The following PAPPA variants were observed in gnomAD, a reference collection of about 807,000 sequenced individuals.
The protein encoded by PAPPA is pappalysin 1, also known as pappalysin-1.
Under a neutral mutation model 164.0 loss-of-function variants are expected in PAPPA, and 60 were observed. The ratio of observed to expected loss-of-function variants is 0.37; its 90% CI spans 0.30 to 0.45. The LOEUF is 0.45. Among genes scored for constraint, PAPPA ranks in the 20% least tolerant of loss-of-function variants. The pLI is 1.00. For missense variants in PAPPA, 1,782 were observed against 2,087.3 expected, an observed-to-expected ratio of 0.85 and a Z score of 2.85; for synonymous variants, 875 against 814.1, an observed-to-expected ratio of 1.07 and a Z score of -1.27.
chr9:116,353,595 G>A lies in PAPPA; in HGVS notation c.4176-27G>A, dbSNP rs757732029. On this transcript the variant is annotated intron_variant, in intron 16 of 21. Coordinates refer to ENST00000328252, the MANE Select transcript of PAPPA (RefSeq NM_002581.5). The stretch of plus-strand genomic sequence containing the variant: ...GATCTAGCCATTTGGTCCTTGAGAT[G>A]TCTCCTGTTTGATCCTTTCCTTGAA... The A allele has an allele frequency of 4.0e-5, 64 of 1,606,152 alleles. No homozygotes were observed. In the South Asian group the frequency reaches 6.7e-4, roughly 17 times the overall value.
At chr9:116,158,720 C>A (rs1356281825) in intron 1 of PAPPA, among the ~76,000 whole-genome samples, 1 of 152,226 alleles carries the variant, frequency 6.6e-6, no homozygotes, top group African/African-American at 2.4e-5. Context: ...AGAAATCCAA[C>A]TCTACCTGGG....
chr9:116,246,597 C>T (rs1222071141), intron 7 of PAPPA, among the ~76,000 whole-genome samples: 1 of 152,106 alleles, frequency 6.6e-6, no homozygotes, highest in Non-Finnish European at 1.5e-5. Flanking sequence ...CATGAATAAA[C>T]TTGAGTGGAA....
chr9:116,228,541 G>T (rs1587961840), intron 6 of PAPPA, among the ~76,000 whole-genome samples: 1 of 152,346 alleles, frequency 6.6e-6, no homozygotes, highest in African/African-American at 2.4e-5. Context: ...GGAAGGATCA[G>T]AGAGGAAAGT....
intron 7 of PAPPA, among the ~76,000 whole-genome samples, chr9:116,248,421 T>C (rs1844822533): frequency 6.6e-6 from 1 of 152,170 alleles, no homozygotes; most frequent in Non-Finnish European, 1.5e-5. Context: ...CAGATTATCC[T>C]TTAGCTCTCA....
intron 19 of PAPPA, among the ~76,000 whole-genome samples, chr9:116,370,160 C>A (rs1427790076): frequency 6.6e-6 from 1 of 152,132 alleles, no homozygotes; most frequent in Admixed American, 6.5e-5. Context: ...CCACTTTTAT[C>A]CCCGGGGTAA....
rs191763488 is a variant in PAPPA, at chr9:116,199,277, G to A, written c.1479-8179G>A. On this transcript the variant is annotated intron_variant, in intron 2 of 21. Transcript: ENST00000328252. ...CAAGAGACTCAGCAAAGGACATGCC[G>A]TTGGCAGATAAATCTCTGCATTTAG... Among the ~76,000 whole-genome samples the A allele has an allele frequency of 8.7e-4, 132 of 152,302 alleles. 2 individuals carry two copies. Among genetic ancestry groups the A allele is most frequent in the Admixed American group, 7.8e-4 (12 of 15,304 alleles).
chr9:116,321,183 G>A (rs559235031), intron 10 of PAPPA, among the ~76,000 whole-genome samples: 16 of 151,850 alleles, frequency 1.1e-4, no homozygotes, highest in Admixed American at 5.9e-4. Context: ...GCCCACCACC[G>A]CACCCAGCTA....
chr9:116,211,485 T>C (rs1024404384), intron 3 of PAPPA, among the ~76,000 whole-genome samples, 154 bp from the exon 4 acceptor site: 1 of 152,232 alleles, frequency 6.6e-6, no homozygotes, highest in Admixed American at 6.5e-5. Context: ...ATTCATGCCA[T>C]AGGTTGTAAC....
chr9:116,217,576 T>C (rs1260889628), intron 4 of PAPPA, among the ~76,000 whole-genome samples: 1 of 152,212 alleles, frequency 6.6e-6, no homozygotes, highest in African/African-American at 2.4e-5. Flanking sequence ...TCAAAGAGAA[T>C]GCATATTTTA....
intron 8 of PAPPA, among the ~76,000 whole-genome samples, chr9:116,268,465 T>C (rs1379748882): frequency 2.0e-5 from 3 of 152,314 alleles, no homozygotes; most frequent in Non-Finnish European, 4.4e-5. Context: ...ATATCTAGAC[T>C]ATCCAGAAAA....
chr9:116,319,000 A>G (rs1392446446), intron 10 of PAPPA, among the ~76,000 whole-genome samples: 3 of 152,118 alleles, frequency 2.0e-5, no homozygotes, highest in Non-Finnish European at 4.4e-5. Context: ...TCTGTGCCAG[A>G]CTTTCCCTCT....
At chr9:116,315,575 G>T (rs780134872) in intron 10 of PAPPA, among the ~76,000 whole-genome samples, 8 of 152,210 alleles carry the variant, frequency 5.3e-5, no homozygotes, top group African/African-American at 1.9e-4. Flanking sequence ...GTTTTTGCAG[G>T]AAAGATTGGG....
At chr9:116,367,621 C>T (rs200470764) in intron 18 of PAPPA, 24 bp from the exon 19 acceptor site, 105 of 1,565,144 alleles carry the variant, frequency 6.7e-5, no homozygotes, top group East Asian at 5.0e-4. Context: ...GCCTGAGCTG[C>T]GCCTCATGCT....
chr9:116,330,915 C>T (rs1254674711), intron 10 of PAPPA, among the ~76,000 whole-genome samples: 2 of 152,132 alleles, frequency 1.3e-5, no homozygotes, highest in Non-Finnish European at 2.9e-5. Context: ...GCTTCTGTTC[C>T]CTCTGCCTGC....
At chr9:116,323,118 C>T (rs1564225624) in intron 10 of PAPPA, among the ~76,000 whole-genome samples, 1 of 152,148 alleles carries the variant, frequency 6.6e-6, no homozygotes, top group African/African-American at 2.4e-5. Context: ...CCTTTGTGTA[C>T]ATCGTGTGTG....
At chr9:116,373,843 G>T (rs1846608894) in intron 19 of PAPPA, 1 of 152,100 alleles carries the variant, frequency 6.6e-6, no homozygotes, top group African/African-American at 2.4e-5. Context: ...GTACGATTTG[G>T]GGCAGGTCAT....
chr9:116,225,033 A>G (rs1038970945), intron 5 of PAPPA, among the ~76,000 whole-genome samples: 6 of 152,230 alleles, frequency 3.9e-5, no homozygotes, highest in African/African-American at 1.2e-4. Flanking sequence ...CACTCATCCA[A>G]GTATTTATTG....
chr9:116,231,354 C>T (rs1051679871), intron 6 of PAPPA, among the ~76,000 whole-genome samples: 1 of 151,878 alleles, frequency 6.6e-6, no homozygotes, highest in Non-Finnish European at 1.5e-5. Context: ...TTATCTTCTT[C>T]CTTCCCTTCT....
At chr9:116,201,601 G>A (rs1844171761) in intron 2 of PAPPA, among the ~76,000 whole-genome samples, 1 of 152,104 alleles carries the variant, frequency 6.6e-6, no homozygotes, top group African/African-American at 2.4e-5. Context: ...TTCATGAGTT[G>A]GGTACTCTTC....
Sources: gnomAD v4.1 joint callset for allele counts (sites outside exome capture counted in the v4.1 genomes callset) on GRCh38, gnomAD v4.1.1 for gene constraint, MANE v1.5 for transcripts, NCBI Gene and HGNC (gene_info 2026-07-23, HGNC 2026-07-21) for gene names.